Variants in PDE1A observed in about 807,000 individuals in gnomAD.
PDE1A encodes dual specificity calcium/calmodulin-dependent 3',5'-cyclic nucleotide phosphodiesterase 1A.
PDE1A carries 35 observed loss-of-function variants against 61.7 expected under a neutral mutation model. The ratio of observed to expected loss-of-function variants is 0.57; its 90% CI spans 0.43 to 0.75. PDE1A has a LOEUF of 0.75. Ranked by LOEUF, PDE1A falls within the 30% of genes least tolerant of loss-of-function variation. The pLI, the probability that PDE1A is intolerant of heterozygous loss-of-function variation, is 0.00. For synonymous variants in PDE1A, 232 were observed against 213.2 expected (o/e 1.09, Z -0.77); for missense variants, 597 against 630.6 (o/e 0.95, Z 0.57).
At chr2:182,382,817 T>C (rs188525323) in intron 1 of PDE1A, among the ~76,000 whole-genome samples, 13 of 152,322 alleles carry the variant, frequency 8.5e-5, no homozygotes, top group African/African-American at 3.1e-4. Flanking sequence ...TCCTATAGGC[T>C]GTACTAGAAG....
At chr2:182,638,405 G>A in the PDE1A span, among the ~76,000 whole-genome samples, 2 of 151,868 alleles carry the variant, frequency 1.3e-5, no homozygotes, top group Non-Finnish European at 2.9e-5. Context: ...GTGTGATGGC[G>A]GGTGCCTGTA....
intron 1 of PDE1A, among the ~76,000 whole-genome samples, chr2:182,334,327 G>T (rs1321127580): frequency 6.7e-6 from 1 of 148,762 alleles, no homozygotes. Context: ...AAGAAAGAAA[G>T]AAAATTTCAG....
the PDE1A span, among the ~76,000 whole-genome samples, chr2:182,692,479 T>A: frequency 8.6e-5 from 13 of 150,454 alleles, no homozygotes; most frequent in Non-Finnish European, 1.9e-4. Flanking sequence ...TGAGAACACT[T>A]GGACACAGGA....
chr2:182,541,287 C>T, the PDE1A span, among the ~76,000 whole-genome samples: 2 of 152,220 alleles, frequency 1.3e-5, no homozygotes, highest in Admixed American at 1.3e-4. Context: ...GGTTCAGGTT[C>T]TGGCCCTACT....
chr2:182,379,958 A>C, intron 1 of PDE1A, among the ~76,000 whole-genome samples: 1 of 152,116 alleles, frequency 6.6e-6, no homozygotes. Flanking sequence ...AAATCTATCA[A>C]AATCACATTT....
intron 1 of PDE1A, among the ~76,000 whole-genome samples, chr2:182,399,163 G>A (rs963336009): frequency 5.9e-5 from 9 of 151,764 alleles, no homozygotes; most frequent in South Asian, 2.1e-4. Flanking sequence ...GGAGGACTAT[G>A]TTTATTACTC....
chr2:182,210,785 T>G (rs1447849406), intron 7 of PDE1A, among the ~76,000 whole-genome samples: 2 of 152,210 alleles, frequency 1.3e-5, no homozygotes, highest in African/African-American at 4.8e-5. Flanking sequence ...TATAGATTTT[T>G]GTTTTAAATT....
the PDE1A span, among the ~76,000 whole-genome samples, chr2:182,634,677 G>GCGGTAC: frequency 6.6e-6 from 1 of 152,136 alleles, no homozygotes; most frequent in Admixed American, 6.5e-5. Flanking sequence ...GGAGCATTAT[G>GCGGTAC]CGGTACTCAG....
intron 2 of PDE1A, among the ~76,000 whole-genome samples, chr2:182,487,335 GC>G (rs1201058154): frequency 5.9e-5 from 9 of 152,128 alleles, no homozygotes; most frequent in Non-Finnish European, 1.2e-4. Flanking sequence ...AAGTTGTATG[GC>G]CGCTCTGGAA....
At chr2:182,703,904 T>A in the PDE1A span, among the ~76,000 whole-genome samples, 1 of 151,970 alleles carries the variant, frequency 6.6e-6, no homozygotes, top group Non-Finnish European at 1.5e-5. Context: ...TAAATATTTA[T>A]AAAAACTCAG....
chr2:182,451,685 C>A (rs1204154807), intron 2 of PDE1A, among the ~76,000 whole-genome samples: 1 of 152,058 alleles, frequency 6.6e-6, no homozygotes, highest in Non-Finnish European at 1.5e-5. Context: ...ACTTGCATAA[C>A]CTATACTCTA....
intron 1 of PDE1A, among the ~76,000 whole-genome samples, chr2:182,359,957 T>C (rs1194297076): frequency 3.9e-5 from 6 of 152,238 alleles, no homozygotes; most frequent in South Asian, 4.1e-4. Context: ...AATTTCTAAA[T>C]TCTATAGAGC....
intron 1 of PDE1A, among the ~76,000 whole-genome samples, chr2:182,284,674 T>C (rs1354045365): frequency 6.6e-6 from 1 of 152,030 alleles, no homozygotes; most frequent in Non-Finnish European, 1.5e-5. Context: ...TATAGATGGG[T>C]GGTAATTTTT....
the PDE1A span, among the ~76,000 whole-genome samples, chr2:182,616,114 G>A: frequency 1.3e-5 from 2 of 152,302 alleles, no homozygotes; most frequent in East Asian, 3.9e-4. Flanking sequence ...TAGGAATGTT[G>A]TAAGAATTAA....
chr2:182,324,505 T>A (rs1020823882), intron 1 of PDE1A, among the ~76,000 whole-genome samples: 2 of 152,268 alleles, frequency 1.3e-5, no homozygotes, highest in African/African-American at 2.4e-5. Context: ...TAAAAACAGA[T>A]GAAAATCAGA....
At chr2:182,615,259 T>C in the PDE1A span, among the ~76,000 whole-genome samples, 7 of 152,282 alleles carry the variant, frequency 4.6e-5, no homozygotes, top group Admixed American at 2.6e-4. Context: ...ATGAGTAATT[T>C]TGAATCATTT....
At chr2:182,206,103 T>C in intron 7 of PDE1A, 38 bp from the exon 8 acceptor site, 1 of 1,569,268 alleles carries the variant, frequency 6.4e-7, no homozygotes. Flanking sequence ...AGAGGATTTC[T>C]TTAGACATCA....
At chr2:182,330,357 A>T (rs1032181224) in intron 1 of PDE1A, among the ~76,000 whole-genome samples, 1 of 151,846 alleles carries the variant, frequency 6.6e-6, no homozygotes, top group Non-Finnish European at 1.5e-5. Flanking sequence ...AAAAAAAAAA[A>T]ATACCATCAG....
chr2:182,480,500 T>C (rs13397213), intron 2 of PDE1A, among the ~76,000 whole-genome samples: 53,707 of 151,760 alleles, frequency 0.35, 10,248 homozygotes, highest in East Asian at 0.5. Context: ...CAACCAACTG[T>C]GGATGGAAAA....
Sources: allele counts gnomAD v4.1 joint callset (sites outside exome capture counted in the v4.1 genomes callset), GRCh38; gene constraint gnomAD v4.1.1; transcripts MANE v1.5; gene names NCBI Gene and HGNC (gene_info 2026-07-23, HGNC 2026-07-21).